WDR25: variants seen among roughly 807,000 people sequenced by gnomAD.
WDR25 encodes the protein WD repeat domain 25, also known as WD repeat-containing protein 25.
A neutral mutation model predicts 47.7 loss-of-function variants in WDR25; 35 were observed. The observed-to-expected ratio is 0.73, with a 90% CI of 0.56 to 0.97. The LOEUF is 0.97. WDR25 is among the 50% of genes least tolerant of loss of function. The pLI, the probability that WDR25 is intolerant of heterozygous loss-of-function variation, is 0.00. For synonymous variants in WDR25, 248 were observed against 278.9 expected (o/e 0.89, Z 1.10); for missense variants, 634 against 704.7 (o/e 0.90, Z 1.14).
chr14:100,440,352 C>T lies in WDR25; in HGVS notation c.823-27669C>T, dbSNP rs180887108. ...AGGCAGCCACAGTCAGGGAGCCCTTCGGCCACGGCAGCGGGGTGGCGCCAG... is the reference window on the plus strand; with the variant it reads ...AGGCAGCCACAGTCAGGGAGCCCTTTGGCCACGGCAGCGGGGTGGCGCCAG... On this transcript the variant is annotated intron_variant, in intron 2 of 6. Transcript: ENST00000402312. This position sits in a 1 kb window ranked among gnomAD's most constrained non-coding sequence, Gnocchi z 4.4. 7.9e-5 allele frequency among the ~76,000 whole-genome samples: 12 copies of T among 152,246 alleles called. No homozygotes were observed. Among genetic ancestry groups the T allele is most frequent in the Non-Finnish European group, 7.3e-5 (5 of 68,048 alleles).
At chr14:100,463,676 A>G (rs1899505300) in intron 2 of WDR25, among the ~76,000 whole-genome samples, 1 of 152,172 alleles carries the variant, frequency 6.6e-6, no homozygotes, top group Admixed American at 6.5e-5. Flanking sequence ...TGGTACGGGA[A>G]TGAGTCTTTA....
At chr14:100,477,711 T>C (rs969159957) in intron 3 of WDR25, among the ~76,000 whole-genome samples, 6 of 152,198 alleles carry the variant, frequency 3.9e-5, no homozygotes, top group Non-Finnish European at 8.8e-5. Flanking sequence ...TTAACAAATG[T>C]AAAGGGCAGC....
intron 2 of WDR25, among the ~76,000 whole-genome samples, chr14:100,442,926 G>A (rs1898712685): frequency 6.6e-6 from 1 of 152,214 alleles, no homozygotes; most frequent in African/African-American, 2.4e-5. Context: ...AAACATTCAT[G>A]CCTAACAAGA....
At chr14:100,477,138 A>C (rs1900044531) in intron 3 of WDR25, among the ~76,000 whole-genome samples, 1 of 152,204 alleles carries the variant, frequency 6.6e-6, no homozygotes, top group Admixed American at 6.5e-5. Flanking sequence ...CCACCTGAGA[A>C]AGGAAGAGGG....
rs780213264 is a variant in WDR25, at chr14:100,381,142, CA to C, written c.219del (p.Gly75AlafsTer63). The part of the protein sequence containing the change: ...QPTKHGSCED[P>X]GGYRLPLAQL... ...ACAAAGCATGGCTCCTGTGAAGACCCAGGGGGCTATCGCCTTCCATTGGCTC... is the reference window on the plus strand; with the variant it reads ...ACAAAGCATGGCTCCTGTGAAGACCCGGGGGCTATCGCCTTCCATTGGCTC... On this transcript the variant is annotated frameshift_variant, in exon 2 of 7. Coordinates refer to ENST00000402312, the MANE Select transcript of WDR25 (RefSeq NM_001161476.3). LOFTEE classifies it high-confidence loss of function. 1.2e-6 allele frequency: 2 copies of C among 1,614,228 alleles called. No homozygotes were observed. Among genetic ancestry groups the C allele is most frequent in the Non-Finnish European group, 8.5e-7 (1 of 1,180,034 alleles).
intron 4 of WDR25, among the ~76,000 whole-genome samples, chr14:100,486,948 G>T (rs1206888978): frequency 6.6e-6 from 1 of 152,102 alleles, no homozygotes; most frequent in African/African-American, 2.4e-5. Context: ...GCAGCCAAAG[G>T]TAAACATTAG....
chr14:100,400,326 AG>A (rs1897347819), intron 2 of WDR25, among the ~76,000 whole-genome samples: 1 of 152,136 alleles, frequency 6.6e-6, no homozygotes, highest in Non-Finnish European at 1.5e-5. Context: ...GTCCCCTCGG[AG>A]GGCTGTTGGC....
intron 2 of WDR25, among the ~76,000 whole-genome samples, chr14:100,465,179 T>C (rs1426223705): frequency 6.6e-6 from 1 of 152,088 alleles, no homozygotes; most frequent in Non-Finnish European, 1.5e-5. Context: ...TGTGTGTGTG[T>C]GTATTTTTAA....
intron 2 of WDR25, among the ~76,000 whole-genome samples, chr14:100,410,212 G>A (rs867485531): frequency 3.3e-5 from 5 of 152,130 alleles, no homozygotes; most frequent in Admixed American, 1.3e-4. Context: ...GTCAGTGCTC[G>A]TCCCTGGCCT....
At chr14:100,410,498 C>T (rs1459478917) in intron 2 of WDR25, among the ~76,000 whole-genome samples, 1 of 152,038 alleles carries the variant, frequency 6.6e-6, no homozygotes, top group Non-Finnish European at 1.5e-5. Context: ...ATAAGTTGCA[C>T]AGTGGTATTT....
chr14:100,519,235 T>G (rs74081525), intron 4 of WDR25, among the ~76,000 whole-genome samples: 2,273 of 150,934 alleles, frequency 0.015, 54 homozygotes, highest in African/African-American at 0.052. Context: ...GTCCAGAGTT[T>G]TTTTGTGTGT....
Position 100,530,221 on chromosome 14 carries a change from A to C in WDR25, c.*180A>C, listed in dbSNP as rs78644668. On this transcript the variant is annotated 3_prime_UTR_variant, in exon 7 of 7. Coordinates refer to ENST00000402312, the MANE Select transcript of WDR25 (RefSeq NM_001161476.3). The stretch of plus-strand genomic sequence containing the variant: ...GTCTGTTTGCCTCAGGAGTGTGAGG[A>C]CTACACTAGTGAAAGCGCCTGGCGG... The C allele has an allele frequency of 2.4e-3, 1,566 of 651,214 alleles. 29 individuals are homozygous for C. In the African/African-American group the frequency reaches 0.026, roughly 11 times the overall value. 40.3% of individuals were successfully genotyped at this position (651,214 alleles called of 1,614,324 possible).
intron 2 of WDR25, chr14:100,454,488 C>A (rs1423349955): frequency 1.4e-5 from 18 of 1,246,776 alleles, no homozygotes; most frequent in Non-Finnish European, 1.9e-5. Context: ...GCAGACTAAC[C>A]CTCCCACAGC....
At chr14:100,485,937 A>T (rs926722716) in intron 4 of WDR25, among the ~76,000 whole-genome samples, 1 of 151,850 alleles carries the variant, frequency 6.6e-6, no homozygotes, top group Non-Finnish European at 1.5e-5. Context: ...GCATAGATAG[A>T]TGTAGTCTTT....
At chr14:100,438,105 T>C in intron 2 of WDR25, among the ~76,000 whole-genome samples, 1 of 152,240 alleles carries the variant, frequency 6.6e-6, no homozygotes. Context: ...TATGTAAATA[T>C]TTATCTGTTC....
chr14:100,427,434 C>T (rs771474425), intron 2 of WDR25, among the ~76,000 whole-genome samples: 5 of 152,188 alleles, frequency 3.3e-5, no homozygotes, highest in African/African-American at 1.2e-4. Flanking sequence ...AGCTTGATCA[C>T]AGTCAGCAGG....
chr14:100,387,394 T>C (rs981678037), intron 2 of WDR25, among the ~76,000 whole-genome samples: 7 of 152,182 alleles, frequency 4.6e-5, no homozygotes, highest in Non-Finnish European at 1.0e-4. Context: ...TCTAAAGAGT[T>C]TGAGGATTGT....
intron 4 of WDR25, among the ~76,000 whole-genome samples, chr14:100,509,762 G>A (rs1291739560): frequency 6.6e-6 from 1 of 152,126 alleles, no homozygotes; most frequent in African/African-American, 2.4e-5. Flanking sequence ...TCATATTAAA[G>A]TCTGTGATCT....
intron 2 of WDR25, among the ~76,000 whole-genome samples, chr14:100,399,407 T>C (rs1343765129): frequency 6.6e-6 from 1 of 152,042 alleles, no homozygotes; most frequent in East Asian, 1.9e-4. Flanking sequence ...CCCCTTTTCC[T>C]TTCTCTCTCA....
Sources: gnomAD v4.1 joint callset for allele counts (sites outside exome capture counted in the v4.1 genomes callset) on GRCh38, gnomAD v4.1.1 for gene constraint, Gnocchi (gnomAD v3.1) non-coding constraint, MANE v1.5 for transcripts, NCBI Gene and HGNC (gene_info 2026-07-23, HGNC 2026-07-21) for gene names.